The following VPS13C variants were observed in gnomAD, a reference collection of about 807,000 sequenced individuals.
The protein encoded by VPS13C is intermembrane lipid transfer protein VPS13C.
A neutral mutation model predicts 456.8 loss-of-function variants in VPS13C; 358 were observed. The ratio of observed to expected loss-of-function variants is 0.78; its 90% CI spans 0.72 to 0.86. The LOEUF is 0.86. Among genes scored for constraint, VPS13C ranks in the 40% least tolerant of loss-of-function variants. The probability of loss-of-function intolerance (pLI) is 0.00; values close to 1 mark genes in which losing one functional copy is unlikely to be tolerated. For missense variants in VPS13C, 4,818 were observed against 4,385.4 expected (o/e 1.10, Z -2.79); for synonymous variants, 1,578 against 1,486.7 (o/e 1.06, Z -1.41).
At chr15:61,962,011 G>C in intron 34 of VPS13C, 118 bp from the exon 35 acceptor site, 1 of 1,145,888 alleles carries the variant, frequency 8.7e-7, no homozygotes, top group South Asian at 1.7e-5. Context: ...ACTTTCCATT[G>C]AGCCCTATTT....
In VPS13C at chr15:61,915,637, T is replaced by A; in HGVS notation, c.8441A>T (p.Asn2814Ile). The A allele has an allele frequency of 8.8e-6, 14 of 1,586,418 alleles. No individual in the cohort carries two copies. Among genetic ancestry groups the A allele is most frequent in the Non-Finnish European group, 1.0e-5 (12 of 1,170,274 alleles). ...SFKKKNIFTK[N>I]KVQLKISTSA... is the part of the protein sequence containing the mutation. Reference sequence around the variant, plus strand: ...ATTATGTGAACAAAACCACACCTTATTTTTAGTAAAAATGTTCTTCTTCTT... The same window carrying A: ...ATTATGTGAACAAAACCACACCTTAATTTTAGTAAAAATGTTCTTCTTCTT... Residue 2814 changes from asparagine (N) to isoleucine (I), a missense_variant, in exon 61 of 85, where the codon AAT (asparagine) becomes ATT (isoleucine). Asn to Ile is a moderately radical substitution (Grantham distance 149, BLOSUM62 -3). Transcript: ENST00000644861.
intron 77 of VPS13C, among the ~76,000 whole-genome samples, chr15:61,874,331 C>T (rs531323840): frequency 6.6e-6 from 1 of 152,050 alleles, no homozygotes; most frequent in East Asian, 1.9e-4. Context: ...AAGAGAGGGT[C>T]TTGAATGTTC....
chr15:61,920,433 C>T (rs2140179057), intron 56 of VPS13C, 65 bp downstream of exon 56: 1 of 1,483,692 alleles, frequency 6.7e-7, no homozygotes, highest in East Asian at 2.3e-5. Flanking sequence ...ATTTTGATGA[C>T]AAAAAAATTA....
At chr15:62,011,048 A>C (rs2047022437) in intron 12 of VPS13C, among the ~76,000 whole-genome samples, 2 of 152,174 alleles carry the variant, frequency 1.3e-5, no homozygotes, top group Admixed American at 1.3e-4. Context: ...CATTCCAAAA[A>C]AAGAAACTGC....
chr15:62,042,302 C>A (rs190078421), intron 2 of VPS13C, among the ~76,000 whole-genome samples: 8 of 152,134 alleles, frequency 5.3e-5, no homozygotes, highest in African/African-American at 1.9e-4. Flanking sequence ...ATAATGATAA[C>A]CTGAGTTTTA....
In VPS13C at chr15:61,882,607, A is replaced by G. The variant is rs776547921; in HGVS notation, c.9613T>C (p.Tyr3205His). 22 of 1,550,740 alleles carry G rather than the reference A, an allele frequency of 1.4e-5. No individual in the cohort carries two copies. The highest frequency in any genetic ancestry group is 2.0e-5 in the Admixed American group (1 of 49,706). ...AATGACAATGTTACCTGAAGCCAGT[A>G]CAACCTGGCCCTTAAACTTCTCTGG... ...SHQRSLRARL[Y>H]WLQVDNQLPG... The change falls in exon 69 of 85, where the codon TAC (tyrosine) becomes CAC (histidine). Residue 3205 changes from tyrosine (Y) to histidine (H), a missense_variant. By Grantham distance (83) the Tyr-to-His change is moderately conservative. This residue lies in a region of VPS13C where 4,552 missense variants were observed against 4,130.6 expected (regional missense o/e 1.10). Transcript: ENST00000644861.
intron 81 of VPS13C, chr15:61,866,783 A>C: frequency 1.0e-6 from 1 of 982,128 alleles, no homozygotes; most frequent in Non-Finnish European, 1.2e-6. Context: ...AAAGTGGTTA[A>C]ACATAAAACA....
chr15:62,053,377 A>G (rs750444319), intron 1 of VPS13C, among the ~76,000 whole-genome samples: 2 of 152,240 alleles, frequency 1.3e-5, no homozygotes, highest in Non-Finnish European at 2.9e-5. Flanking sequence ...ATATTACAGT[A>G]TATTACACTT....
chr15:61,960,980 C>T (rs1273491240), intron 35 of VPS13C, among the ~76,000 whole-genome samples: 2 of 151,638 alleles, frequency 1.3e-5, no homozygotes, highest in African/African-American at 4.9e-5. Flanking sequence ...ACTCAGGAGG[C>T]TGAGGCAGGA....
At chr15:61,936,939 C>G (rs563584874) in intron 47 of VPS13C, among the ~76,000 whole-genome samples, 189 bp from the exon 48 acceptor site, 1 of 152,312 alleles carries the variant, frequency 6.6e-6, no homozygotes, top group Admixed American at 6.5e-5. Context: ...ACACTTCTGC[C>G]TTCGCCCATA....
rs1895933624 is a variant in VPS13C at position 61,882,510 on chromosome 15, G to A, written c.9624+86C>T. The A allele has an allele frequency of 3.3e-6, 4 of 1,224,678 alleles. No individual in the cohort carries two copies. The East Asian group carries it at 8.7e-5, about 27-fold the overall frequency. 75.9% of individuals were successfully genotyped at this position (1,224,678 alleles called of 1,614,324 possible). ...ACAAAGAAAAGATACCAATTACAAT[G>A]TAAACTATATAGTTGTAAAAAAGAA... On this transcript the variant is annotated intron_variant, in intron 69 of 84. Transcript: ENST00000644861.
At chr15:62,053,854 C>T (rs2048704399) in intron 1 of VPS13C, among the ~76,000 whole-genome samples, 1 of 152,186 alleles carries the variant, frequency 6.6e-6, no homozygotes, top group Non-Finnish European at 1.5e-5. Flanking sequence ...GGATAAACAG[C>T]ACGGGTTCAG....
At chr15:62,055,387 C>G (rs2048754131) in intron 1 of VPS13C, among the ~76,000 whole-genome samples, 1 of 151,220 alleles carries the variant, frequency 6.6e-6, no homozygotes, top group African/African-American at 2.4e-5. Flanking sequence ...GCCCCCATGC[C>G]CGGCTAATTT....
chr15:61,947,392 A>C, intron 42 of VPS13C, 83 bp from the exon 43 acceptor site: 1 of 1,030,428 alleles, frequency 9.7e-7, no homozygotes, highest in Non-Finnish European at 1.5e-6. Context: ...ACCAAAATAA[A>C]AGTACCCAAT....
intron 6 of VPS13C, among the ~76,000 whole-genome samples, chr15:62,027,738 T>G (rs2047683495): frequency 6.6e-6 from 1 of 152,084 alleles, no homozygotes; most frequent in Non-Finnish European, 1.5e-5. Context: ...AAAGTATTAT[T>G]TTAATATATT....
rs2044730724 is a variant in VPS13C, at chr15:61,949,941, G to A, written c.4597-336C>T. On this transcript the variant is annotated intron_variant, in intron 41 of 84. Transcript: ENST00000644861. ...GTTCAAATGGACTGTACCAGGTCCA[G>A]TACAGGTAATGCTTGTATGTAATGT... Among the ~76,000 whole-genome samples, 3 of 152,276 alleles carry A rather than the reference G, an allele frequency of 2.0e-5. No individual in the cohort carries two copies. The South Asian group carries it at 6.2e-4, about 32-fold the overall frequency.
At chr15:62,010,327 T>A (rs1377450527) in intron 13 of VPS13C, 145 bp downstream of exon 13, 8 of 838,492 alleles carry the variant, frequency 9.5e-6, no homozygotes, top group Non-Finnish European at 1.3e-5. Flanking sequence ...AAATTCATTT[T>A]CTTTAAAACA....
chr15:61,956,519 C>A (rs904699040), intron 37 of VPS13C, among the ~76,000 whole-genome samples: 10 of 151,982 alleles, frequency 6.6e-5, no homozygotes, highest in African/African-American at 2.4e-4. Flanking sequence ...AAACCACAGA[C>A]AGGGAAAAGA....
intron 15 of VPS13C, among the ~76,000 whole-genome samples, chr15:62,004,658 G>A (rs1220697445): frequency 9.2e-5 from 14 of 151,468 alleles, no homozygotes; most frequent in Admixed American, 1.3e-4. Flanking sequence ...GTGGGCATTT[G>A]GTGCTATAAA....
Sources: allele counts gnomAD v4.1 joint callset (sites outside exome capture counted in the v4.1 genomes callset), GRCh38; gene constraint gnomAD v4.1.1; regional missense constraint gnomAD v4.1.1; transcripts MANE v1.5; gene names NCBI Gene and HGNC (gene_info 2026-07-23, HGNC 2026-07-21).